INO80: variants seen among roughly 807,000 people sequenced by gnomAD.
INO80 encodes chromatin-remodeling ATPase INO80.
A neutral mutation model predicts 203.4 loss-of-function variants in INO80; 20 were observed. The ratio of observed to expected loss-of-function variants is 0.10; its 90% CI spans 0.07 to 0.14. INO80 has a LOEUF of 0.14. INO80 is among the 10% of genes least tolerant of loss of function. The probability of loss-of-function intolerance (pLI) is 1.00; values close to 1 mark genes in which losing one functional copy is unlikely to be tolerated. For missense variants in INO80, 1,419 were observed against 1,914.4 expected, an observed-to-expected ratio of 0.74 and a Z score of 4.83; for synonymous variants, 726 against 685.2, an observed-to-expected ratio of 1.06 and a Z score of -0.93.
intron 14 of INO80, among the ~76,000 whole-genome samples, chr15:41,066,386 G>A (rs1013532074): frequency 6.6e-6 from 1 of 151,872 alleles, no homozygotes; most frequent in African/African-American, 2.4e-5. Flanking sequence ...TGAACTTCTG[G>A]ACTCAAGTGA....
chr15:41,079,597 A>AAAAAT, intron 9 of INO80, 104 bp downstream of exon 9: 1 of 1,089,126 alleles, frequency 9.2e-7, no homozygotes, highest in Non-Finnish European at 1.4e-6. Context: ...AAAACAAAAA[A>AAAAAT]TTGACAGTGT....
At chr15:41,055,969 G>T (rs1296469291) in intron 17 of INO80, among the ~76,000 whole-genome samples, 2 of 139,386 alleles carry the variant, frequency 1.4e-5, no homozygotes, top group Non-Finnish European at 3.1e-5. Context: ...TTTTGAGATG[G>T]AGTCTCACTC....
intron 24 of INO80, among the ~76,000 whole-genome samples, chr15:41,037,942 CAAA>C (rs529520560): frequency 2.2e-5 from 3 of 136,932 alleles, no homozygotes; most frequent in African/African-American, 8.1e-5. Flanking sequence ...GACTCTGTCT[CAAA>C]AAAAAAGTGT....
chr15:41,076,835 C>T (rs749134110), intron 9 of INO80, among the ~76,000 whole-genome samples: 2 of 152,022 alleles, frequency 1.3e-5, no homozygotes, highest in Non-Finnish European at 2.9e-5. Context: ...AAAATGAAAA[C>T]ATAATCCAAA....
chr15:41,044,925 A>G lies in INO80; in HGVS notation c.2886T>C (p.Leu962=), dbSNP rs2044728127. ...GVNFPLSFPN[L]CSCPLLKSLV... is the part of the protein sequence containing the mutation. Reference sequence around the variant, plus strand: ...TTACCTTTAACAAAGGGCAGCTGCAAAGGTTTGGAAAGGAGAGTGGAAAAT... The same window carrying G: ...TTACCTTTAACAAAGGGCAGCTGCAGAGGTTTGGAAAGGAGAGTGGAAAAT... Residue 962 remains leucine, a synonymous_variant, in exon 24 of 36, where the codon CTT becomes CTC. Transcript: ENST00000648947. 6.2e-7 allele frequency: 1 copy of G among 1,609,820 alleles called. No homozygotes were observed. The highest frequency in any genetic ancestry group is 1.3e-5 in the African/African-American group (1 of 74,792).
Position 40,983,701 on chromosome 15 carries a change from A to G in INO80, c.4237+61T>C, listed in dbSNP as rs995133009. On this transcript the variant is annotated intron_variant, in intron 34 of 35. Coordinates refer to ENST00000648947, the MANE Select transcript of INO80 (RefSeq NM_017553.3). ...CCTAGAAGGAATCAGGACCTTACCC[A>G]CAACCAAACCAGTGCTGGGCAGTGG... 5 of 1,495,800 alleles carry G rather than the reference A, an allele frequency of 3.3e-6. No individual in the cohort carries two copies. The African/African-American group carries it at 6.9e-5, about 21-fold the overall frequency. The allele number at this position is 1,495,800 out of a possible 1,614,324, so 92.7% of individuals were successfully genotyped here.
At chr15:41,023,795 GA>G (rs1296236257) in intron 25 of INO80, among the ~76,000 whole-genome samples, 1 of 115,316 alleles carries the variant, frequency 8.7e-6, no homozygotes, top group African/African-American at 3.4e-5. Context: ...AAAACAAAAC[GA>G]AAAAAAGAAA....
At chr15:41,006,736 C>A (rs1401310606) in intron 27 of INO80, among the ~76,000 whole-genome samples, 1 of 152,178 alleles carries the variant, frequency 6.6e-6, no homozygotes, top group Non-Finnish European at 1.5e-5. Flanking sequence ...TGAAGCGAAG[C>A]TGGTCAACAA....
chr15:41,089,112 C>T (rs1431460684), intron 5 of INO80, among the ~76,000 whole-genome samples: 5 of 152,132 alleles, frequency 3.3e-5, no homozygotes, highest in African/African-American at 9.7e-5. Flanking sequence ...ACTGCCTGAA[C>T]CCAGGAGGCA....
intron 1 of INO80, among the ~76,000 whole-genome samples, chr15:41,096,641 C>T (rs1342796776): frequency 6.6e-6 from 1 of 152,096 alleles, no homozygotes. Context: ...AATGTATACC[C>T]ACTTCCTTTA....
chr15:41,080,941 G>T, intron 8 of INO80, 79 bp downstream of exon 8: 2 of 879,114 alleles, frequency 2.3e-6, no homozygotes, highest in Non-Finnish European at 3.9e-6. Context: ...CGACGGACAA[G>T]AGCAGCAAGA....
At chr15:41,076,871 C>A (rs1301436439) in intron 9 of INO80, among the ~76,000 whole-genome samples, 1 of 152,006 alleles carries the variant, frequency 6.6e-6, no homozygotes, top group African/African-American at 2.4e-5. Context: ...GAACACAGAA[C>A]ACAGTATAAG....
At chr15:41,070,167 A>G (rs1364551648) in intron 13 of INO80, among the ~76,000 whole-genome samples, 4 of 152,258 alleles carry the variant, frequency 2.6e-5, no homozygotes, top group Non-Finnish European at 5.9e-5. Flanking sequence ...ATAAGAGTAG[A>G]GCTGAAATGT....
At chr15:41,087,321 C>T (rs188390558) in intron 6 of INO80, among the ~76,000 whole-genome samples, 63 of 152,206 alleles carry the variant, frequency 4.1e-4, no homozygotes, top group Admixed American at 2.6e-3. Flanking sequence ...AAATACTATA[C>T]CATTTTACAT....
chr15:41,042,702 G>A lies in INO80; in HGVS notation c.2907+2202C>T, dbSNP rs1039905024. ...TTGGCCAGGCTGGTCTTGAACTCCT[G>A]ACCTCAAGGGATCCGCCTGCCTCGG... On this transcript the variant is annotated intron_variant, in intron 24 of 35. Transcript: ENST00000648947. 3.3e-5 allele frequency among the ~76,000 whole-genome samples: 5 copies of A among 151,562 alleles called. No homozygotes were observed. The South Asian group carries it at 1.0e-3, about 32-fold the overall frequency.
Position 41,045,008 on chromosome 15 carries a change from G to A in INO80, c.2803C>T (p.Pro935Ser), listed in dbSNP as rs767310547. The A allele has an allele frequency of 8.7e-6, 14 of 1,613,784 alleles. No homozygotes were observed. The African/African-American group carries it at 1.6e-4, about 18-fold the overall frequency. ...TATCTCTGGTGGCTCTCCCCTTCTG[G>A]CGCTCCCCAGGAGCGTAGCTGATGG... ...RLHQLRSWGA[P>S]EGESHQRYLR... The change falls in exon 24 of 36, where the codon CCA becomes TCA. Residue 935 changes from proline to serine, a missense_variant. Pro to Ser is a moderately conservative substitution (Grantham distance 74, BLOSUM62 -1). This residue lies in a region of INO80 where 302 missense variants were observed against 345.4 expected (regional missense o/e 0.87). Coordinates refer to ENST00000648947, the MANE Select transcript of INO80 (RefSeq NM_017553.3).
intron 1 of INO80, among the ~76,000 whole-genome samples, chr15:41,099,935 A>T (rs2045782848): frequency 6.6e-6 from 1 of 152,208 alleles, no homozygotes; most frequent in South Asian, 2.1e-4. Flanking sequence ...TAAATGTAAA[A>T]CTACTCTGCT....
intron 27 of INO80, 149 bp downstream of exon 27, chr15:41,015,939 T>C (rs1364160196): frequency 6.5e-6 from 4 of 612,936 alleles, no homozygotes; most frequent in African/African-American, 3.9e-5. Context: ...AGTGAGACTC[T>C]GTCTCAAAAA....
chr15:41,031,963 G>GCACAGCACAGCACAGC (rs2044484748), intron 24 of INO80, among the ~76,000 whole-genome samples: 3 of 49,222 alleles, frequency 6.1e-5, no homozygotes, highest in Non-Finnish European at 9.9e-5. Context: ...CACAGCACAG[G>GCACAGCACAGCACAGC]ACAGCACAGC....
Sources: gnomAD v4.1 joint callset for allele counts (sites outside exome capture counted in the v4.1 genomes callset) on GRCh38, gnomAD v4.1.1 for gene constraint, gnomAD v4.1.1 regional missense constraint, MANE v1.5 for transcripts, NCBI Gene and HGNC (gene_info 2026-07-23, HGNC 2026-07-21) for gene names.